Variants in RAB31 observed in about 807,000 individuals in gnomAD.
The protein encoded by RAB31 is RAB31, member RAS oncogene family.
Under a neutral mutation model 25.6 loss-of-function variants are expected in RAB31, and 21 were observed. The ratio of observed to expected loss-of-function variants is 0.82; its 90% CI spans 0.58 to 1.18. The LOEUF (loss-of-function observed/expected upper bound fraction) is 1.18, where lower values mean the gene tolerates loss of function less well. Among genes scored for constraint, RAB31 ranks in the 50% most tolerant of loss-of-function variants. The pLI is 0.00. For synonymous variants in RAB31, 87 were observed against 84.0 expected (o/e 1.04, Z -0.20); for missense variants, 196 against 250.1 (o/e 0.78, Z 1.46).
intron 6 of RAB31, among the ~76,000 whole-genome samples, chr18:9,855,852 A>G (rs1463955677): frequency 1.3e-5 from 2 of 152,104 alleles, no homozygotes; most frequent in Non-Finnish European, 2.9e-5. Flanking sequence ...CATGAATCAC[A>G]CAGCATTTCT....
In RAB31 at chr18:9,859,636, C is replaced by A. The variant is rs887461965; in HGVS notation, c.*311C>A. 4.4e-6 allele frequency: 1 copy of A among 224,986 alleles called. No homozygotes were observed. The highest frequency in any genetic ancestry group is 8.6e-6 in the Non-Finnish European group (1 of 115,932). The allele number at this position is 224,986 out of a possible 1,614,324, so 13.9% of individuals were successfully genotyped here. On this transcript the variant is annotated 3_prime_UTR_variant, in exon 7 of 7. Transcript: ENST00000578921. ...AAAATTGTTGGATGTGTACAAAAGT[C>A]TTACTGCCTTATTATGTGTATGGGA...
Position 9,809,808 on chromosome 18 carries a change from G to A in RAB31, c.202-4212G>A, listed in dbSNP as rs768104889. Reference sequence around the variant, plus strand: ...CCATCTCTGATTATTCCCTTAAGAGGTGGAATTGTCAAATCAAAGTATCTG... The same window carrying A: ...CCATCTCTGATTATTCCCTTAAGAGATGGAATTGTCAAATCAAAGTATCTG... On this transcript the variant is annotated intron_variant, in intron 3 of 6. Transcript: ENST00000578921. 3.7e-4 allele frequency among the ~76,000 whole-genome samples: 57 copies of A among 152,290 alleles called. No homozygotes were observed. In the Middle Eastern group the frequency reaches 0.01, roughly 27 times the overall value.
chr18:9,741,376 CAA>C lies in RAB31; in HGVS notation c.39+32958_39+32959del, dbSNP rs71169903. On this transcript the variant is annotated intron_variant, in intron 1 of 6. Transcript: ENST00000578921. Reference sequence around the variant, plus strand: ...TGGGCAACAGAGTAAAACTCCGTCTCAAAAAAAAAAAAAAAAAAAAAAAAAAA... The same window carrying C: ...TGGGCAACAGAGTAAAACTCCGTCTCAAAAAAAAAAAAAAAAAAAAAAAAA... 9.5e-3 allele frequency among the ~76,000 whole-genome samples: 296 copies of C among 31,208 alleles called. 3 individuals are homozygous for C. The highest frequency in any genetic ancestry group is 0.025 in the African/African-American group (258 of 10,338). 20.5% of individuals were successfully genotyped at this position (31,208 alleles called of 152,430 possible). A position where few individuals can be genotyped will look rare whatever the true frequency, so the allele number is the denominator to read the frequency against.
Position 9,814,057 on chromosome 18 carries a change from C to A in RAB31, c.239C>A (p.Ala80Asp). The A allele has an allele frequency of 6.3e-7, 1 of 1,595,382 alleles. No individual in the cohort carries two copies. Among genetic ancestry groups the A allele is most frequent in the Admixed American group, 1.7e-5 (1 of 58,306 alleles). The change falls in exon 4 of 7, where the codon GCT (alanine) becomes GAT (aspartate). Residue 80 changes from alanine (A) to aspartate (D), a missense_variant. Ala to Asp is a moderately radical substitution (Grantham distance 126, BLOSUM62 -2). Coordinates refer to ENST00000578921, the MANE Select transcript of RAB31 (RefSeq NM_006868.4). ...GCTCCCATGTACTATCGAGGCTCAG[C>A]TGCAGCTGTTATCGTGTATGATATT... ...SLAPMYYRGS[A>D]AAVIVYDITK...
At chr18:9,733,237 A>C (rs2068132412) in intron 1 of RAB31, among the ~76,000 whole-genome samples, 1 of 152,232 alleles carries the variant, frequency 6.6e-6, no homozygotes, top group Non-Finnish European at 1.5e-5. Context: ...ATTGAGCTTA[A>C]CATGCAATAT....
At chr18:9,853,336 G>T (rs1026611711) in intron 6 of RAB31, among the ~76,000 whole-genome samples, 2 of 152,018 alleles carry the variant, frequency 1.3e-5, no homozygotes, top group Non-Finnish European at 2.9e-5. Flanking sequence ...CCATATAATG[G>T]AATATTATAA....
At chr18:9,808,071 G>C (rs778618159) in intron 3 of RAB31, among the ~76,000 whole-genome samples, 1 of 152,180 alleles carries the variant, frequency 6.6e-6, no homozygotes, top group Admixed American at 6.5e-5. Context: ...TGCTAAATGA[G>C]GCTTGCAGCA....
chr18:9,775,110 A>G (rs1482885040), intron 1 of RAB31, among the ~76,000 whole-genome samples, 168 bp from the exon 2 acceptor site: 1 of 152,202 alleles, frequency 6.6e-6, no homozygotes, highest in East Asian at 1.9e-4. Context: ...ATTTTATTAT[A>G]GAAAATATTG....
chr18:9,744,300 G>A (rs1171745624), intron 1 of RAB31, among the ~76,000 whole-genome samples: 1 of 152,162 alleles, frequency 6.6e-6, no homozygotes, highest in Non-Finnish European at 1.5e-5. Flanking sequence ...CTGTAGACAT[G>A]CAAAAATGTC....
At chr18:9,830,016 T>TAA (rs763289615) in intron 5 of RAB31, among the ~76,000 whole-genome samples, 2 of 150,982 alleles carry the variant, frequency 1.3e-5, no homozygotes, top group Non-Finnish European at 3.0e-5. Context: ...ATATTATTAT[T>TAA]ATTATTATTA....
At chr18:9,825,176 C>T (rs1248133093) in intron 5 of RAB31, among the ~76,000 whole-genome samples, 1 of 152,196 alleles carries the variant, frequency 6.6e-6, no homozygotes, top group Non-Finnish European at 1.5e-5. Flanking sequence ...ATCTGGGGTA[C>T]CAGCTGACTT....
At chr18:9,799,711 G>A (rs554243637) in intron 3 of RAB31, among the ~76,000 whole-genome samples, 88 of 152,258 alleles carry the variant, frequency 5.8e-4, no homozygotes, top group African/African-American at 2.0e-3. Context: ...TAATCCAACT[G>A]TGTGTCATGG....
At chr18:9,729,483 C>T (rs553590549) in intron 1 of RAB31, among the ~76,000 whole-genome samples, 73 of 151,340 alleles carry the variant, frequency 4.8e-4, no homozygotes, top group Middle Eastern at 6.8e-3. Context: ...GCCAAGATCA[C>T]GCCAGTGCAC....
intron 1 of RAB31, among the ~76,000 whole-genome samples, chr18:9,729,771 G>A (rs983545869): frequency 6.6e-5 from 10 of 151,282 alleles, no homozygotes; most frequent in African/African-American, 2.4e-4. Flanking sequence ...CCATGTGTAT[G>A]TGTGTCTGTT....
intron 1 of RAB31, among the ~76,000 whole-genome samples, chr18:9,771,529 C>A (rs1396919322): frequency 6.6e-6 from 1 of 152,210 alleles, no homozygotes; most frequent in Non-Finnish European, 1.5e-5. Context: ...CATGCGACAG[C>A]CACTATTACC....
chr18:9,736,792 TTGTGTAATTC>T lies in RAB31; in HGVS notation c.39+28349_39+28358del, dbSNP rs2068153308. Among the ~76,000 whole-genome samples the T allele has an allele frequency of 2.0e-5, 3 of 152,290 alleles. No homozygotes were observed. The South Asian group carries it at 6.2e-4, about 32-fold the overall frequency. ...GTAAAAAAACTTGGCTTTGTAAATTTTGTGTAATTCGTATTAGAAGATGCTAATTTATTTT... is the reference window on the plus strand; with the variant it reads ...GTAAAAAAACTTGGCTTTGTAAATTTGTATTAGAAGATGCTAATTTATTTT... On this transcript the variant is annotated intron_variant, in intron 1 of 6. Transcript: ENST00000578921.
intron 5 of RAB31, among the ~76,000 whole-genome samples, chr18:9,825,928 A>G (rs9965096): frequency 0.01 from 1,575 of 152,262 alleles, 24 homozygotes; most frequent in African/African-American, 0.036. Flanking sequence ...AGACACTGGG[A>G]GCTTCAGAGG....
intron 1 of RAB31, among the ~76,000 whole-genome samples, chr18:9,728,526 T>A (rs904419170): frequency 1.3e-5 from 2 of 152,172 alleles, no homozygotes; most frequent in East Asian, 1.9e-4. Flanking sequence ...AAATATAACC[T>A]AATTTTTTGT....
intron 1 of RAB31, among the ~76,000 whole-genome samples, chr18:9,753,289 T>C (rs1434977825): frequency 6.6e-6 from 1 of 152,164 alleles, no homozygotes; most frequent in African/African-American, 2.4e-5. Flanking sequence ...TCTACTGTCA[T>C]GAATGGGTTA....
Sources: gnomAD v4.1 joint callset for allele counts (sites outside exome capture counted in the v4.1 genomes callset) on GRCh38, gnomAD v4.1.1 for gene constraint, MANE v1.5 for transcripts, NCBI Gene and HGNC (gene_info 2026-07-23, HGNC 2026-07-21) for gene names.